The following PRKCQ variants were observed in gnomAD, a reference collection of about 807,000 sequenced individuals.
PRKCQ encodes the protein protein kinase C theta type.
A neutral mutation model predicts 91.2 loss-of-function variants in PRKCQ; 41 were observed. That is an observed-to-expected ratio of 0.45 (90% confidence interval 0.35 to 0.58). The LOEUF (loss-of-function observed/expected upper bound fraction) is 0.58, where lower values mean the gene tolerates loss of function less well. PRKCQ is among the 20% of genes least tolerant of loss of function. PRKCQ has a pLI of 0.00. For missense variants in PRKCQ, 673 were observed against 896.5 expected (o/e 0.75, Z 3.18); for synonymous variants, 307 against 316.9 (o/e 0.97, Z 0.33).
chr10:6,505,762 C>G (rs927962403), intron 4 of PRKCQ, among the ~76,000 whole-genome samples: 1 of 152,094 alleles, frequency 6.6e-6, no homozygotes, highest in Non-Finnish European at 1.5e-5. Context: ...CCTCCCACCT[C>G]AGCCTCACAA....
chr10:6,577,000 C>A lies in PRKCQ; in HGVS notation c.-10+3211G>T, dbSNP rs115475538. 0.014 allele frequency among the ~76,000 whole-genome samples: 2,179 copies of A among 152,168 alleles called. 47 individuals carry two copies. The highest frequency in any genetic ancestry group is 0.049 in the African/African-American group (2,040 of 41,494). On this transcript the variant is annotated intron_variant, in intron 1 of 17. Transcript: ENST00000263125. This position sits in a 1 kb window ranked among gnomAD's most constrained non-coding sequence, Gnocchi z 4.2. ...GAGTATGATATACAGCACATAAATT[C>A]TAAATAATAAAGACTCAAAACCATA...
In PRKCQ at chr10:6,553,506, A is replaced by ATAAAT. The variant is rs764566256; in HGVS notation, c.-10+26704_-10+26705insATTTA. ...CCCTGTCTCAAAAAAAAAAAAAAAA[A>ATAAAT]AAAAAAAAAAACAAACAAACAAAAG... On this transcript the variant is annotated intron_variant, in intron 1 of 17. Transcript: ENST00000263125. 1.4e-4 allele frequency among the ~76,000 whole-genome samples: 10 copies of ATAAAT among 73,102 alleles called. 1 individual carries two copies. Among genetic ancestry groups the ATAAAT allele is most frequent in the Non-Finnish European group, 3.6e-4 (9 of 25,208 alleles). 48.0% of individuals were successfully genotyped at this position (73,102 alleles called of 152,430 possible). A position where few individuals can be genotyped will look rare whatever the true frequency, so the allele number is the denominator to read the frequency against.
chr10:6,404,566 CTTCTTTCTCT>C, the PRKCQ span, among the ~76,000 whole-genome samples: 1 of 136,346 alleles, frequency 7.3e-6, no homozygotes, highest in Admixed American at 7.5e-5. Flanking sequence ...TCCTTTCTTC[CTTCTTTCTCT>C]TTCTTTCTTT....
In PRKCQ at chr10:6,496,659, G is replaced by A. The variant is rs536755078; in HGVS notation, c.660+376C>T. Among the ~76,000 whole-genome samples, 11 of 152,012 alleles carry A rather than the reference G, an allele frequency of 7.2e-5. No individual in the cohort carries two copies. The South Asian group carries it at 2.3e-3, about 32-fold the overall frequency. ...ATTTGTGTATATTTAGGAGGTACAA[G>A]TGCAGATTTCTTTTTTTTTTTTCTT... On this transcript the variant is annotated intron_variant, in intron 7 of 17. Coordinates refer to ENST00000263125, the MANE Select transcript of PRKCQ (RefSeq NM_006257.5).
chr10:6,538,921 G>A (rs1455443340), intron 1 of PRKCQ, among the ~76,000 whole-genome samples: 4 of 152,122 alleles, frequency 2.6e-5, no homozygotes, highest in Middle Eastern at 3.4e-3. Context: ...GCCCCACCAC[G>A]CCCAGCTAAT....
intron 1 of PRKCQ, among the ~76,000 whole-genome samples, chr10:6,564,062 G>A (rs1840739638): frequency 6.6e-6 from 1 of 152,164 alleles, no homozygotes; most frequent in Admixed American, 6.5e-5. Context: ...GGCTTCTGGG[G>A]AGCTACGAGG....
intron 17 of PRKCQ, among the ~76,000 whole-genome samples, chr10:6,429,727 G>A (rs1243798412): frequency 6.7e-6 from 1 of 149,464 alleles, no homozygotes; most frequent in Non-Finnish European, 1.5e-5. Flanking sequence ...ACTTTTTTTT[G>A]TTGTTTTTCT....
intron 1 of PRKCQ, among the ~76,000 whole-genome samples, chr10:6,563,603 T>C (rs1022328098): frequency 1.3e-5 from 2 of 152,186 alleles, no homozygotes; most frequent in Non-Finnish European, 2.9e-5. Context: ...CACCGCTTTG[T>C]TCCTCCTCTT....
At chr10:6,527,344 A>G (rs1378319508) in intron 1 of PRKCQ, among the ~76,000 whole-genome samples, 1 of 152,212 alleles carries the variant, frequency 6.6e-6, no homozygotes, top group Non-Finnish European at 1.5e-5. Flanking sequence ...AACAGCAGTC[A>G]GTAAAAGATA....
chr10:6,400,826 G>A, the PRKCQ span, among the ~76,000 whole-genome samples: 7 of 151,882 alleles, frequency 4.6e-5, no homozygotes, highest in South Asian at 2.1e-4. Flanking sequence ...TAGCCTGGGC[G>A]ACATAGAAAG....
At chr10:6,572,170 A>G (rs965547789) in intron 1 of PRKCQ, among the ~76,000 whole-genome samples, 2 of 152,180 alleles carry the variant, frequency 1.3e-5, no homozygotes, top group African/African-American at 4.8e-5. Context: ...ATCTGATTCT[A>G]TGACTTAAAG....
intron 1 of PRKCQ, among the ~76,000 whole-genome samples, chr10:6,527,840 C>T (rs755045317): frequency 6.6e-6 from 1 of 152,152 alleles, no homozygotes; most frequent in African/African-American, 2.4e-5. Context: ...AAGCCTATGC[C>T]GATTGCAACC....
chr10:6,442,603 C>G (rs1834030707), intron 15 of PRKCQ, among the ~76,000 whole-genome samples: 1 of 152,168 alleles, frequency 6.6e-6, no homozygotes, highest in Non-Finnish European at 1.5e-5. Flanking sequence ...GGGCACAACT[C>G]TAATCACTGA....
At position 6,453,779 on chromosome 10, in the gene PRKCQ, G is replaced by T. The variant is rs556692832; in HGVS notation, c.1647+2895C>A. Among the ~76,000 whole-genome samples the T allele has an allele frequency of 1.2e-3, 188 of 152,052 alleles. 2 individuals carry two copies. Among genetic ancestry groups the T allele is most frequent in the Non-Finnish European group, 4.0e-4 (27 of 67,982 alleles). On this transcript the variant is annotated intron_variant, in intron 15 of 17. Coordinates refer to ENST00000263125, the MANE Select transcript of PRKCQ (RefSeq NM_006257.5). ...AGTTCATGTCCTTTGTAGGGACATG[G>T]ATGAAACTGGAAATCATCATTCTCA...
chr10:6,441,792 T>C, intron 16 of PRKCQ, 101 bp downstream of exon 16: 1 of 1,226,898 alleles, frequency 8.2e-7, no homozygotes, highest in Admixed American at 2.5e-5. Context: ...TCAATAATAA[T>C]CATTGTTTGC....
intron 17 of PRKCQ, among the ~76,000 whole-genome samples, chr10:6,429,629 G>A (rs935798880): frequency 6.6e-6 from 1 of 152,118 alleles, no homozygotes; most frequent in African/African-American, 2.4e-5. Context: ...GGTTAAGGCT[G>A]GCAAACCCAC....
chr10:6,453,503 T>A (rs1359954107), intron 15 of PRKCQ, among the ~76,000 whole-genome samples: 1 of 152,170 alleles, frequency 6.6e-6, no homozygotes, highest in East Asian at 1.9e-4. Flanking sequence ...ATTGTGGAAG[T>A]CAGTGTGGCG....
At chr10:6,539,635 G>A (rs951979007) in intron 1 of PRKCQ, among the ~76,000 whole-genome samples, 3 of 152,132 alleles carry the variant, frequency 2.0e-5, no homozygotes, top group African/African-American at 4.8e-5. Context: ...AATAGAAATA[G>A]AGTGGACAAT....
intron 7 of PRKCQ, among the ~76,000 whole-genome samples, chr10:6,495,022 T>C (rs1837515356): frequency 6.6e-6 from 1 of 152,208 alleles, no homozygotes; most frequent in Non-Finnish European, 1.5e-5. Flanking sequence ...ATCATCCTTA[T>C]ATCCACCTCT....
Sources: gnomAD v4.1 joint callset for allele counts (sites outside exome capture counted in the v4.1 genomes callset) on GRCh38, gnomAD v4.1.1 for gene constraint, Gnocchi (gnomAD v3.1) non-coding constraint, MANE v1.5 for transcripts, NCBI Gene and HGNC (gene_info 2026-07-23, HGNC 2026-07-21) for gene names.